The following CEP63 variants were observed in gnomAD, a reference collection of about 807,000 sequenced individuals.
The protein encoded by CEP63 is centrosomal protein 63.
Under a neutral mutation model 89.1 loss-of-function variants are expected in CEP63, and 84 were observed. That is an observed-to-expected ratio of 0.94 (90% CI 0.79 to 1.13). CEP63 has a LOEUF of 1.13. CEP63 is among the 50% of genes most tolerant of loss of function. The pLI is 0.00. For missense variants in CEP63, 838 were observed against 813.3 expected, an observed-to-expected ratio of 1.03 and a Z score of -0.37; for synonymous variants, 267 against 272.5, an observed-to-expected ratio of 0.98 and a Z score of 0.20.
chr3:134,593,859 G>A, the CEP63 span, among the ~76,000 whole-genome samples: 2 of 152,132 alleles, frequency 1.3e-5, no homozygotes, highest in Non-Finnish European at 2.9e-5. Flanking sequence ...TCAGGTTAAC[G>A]TGTTCTCTCC....
chr3:134,488,451 G>C (rs958760185), intron 1 of CEP63, among the ~76,000 whole-genome samples: 2 of 151,820 alleles, frequency 1.3e-5, no homozygotes, highest in Admixed American at 1.3e-4. Flanking sequence ...TACTGAAAAT[G>C]CAATAAAATT....
At chr3:134,575,610 C>T (rs763020076), downstream of CEP63, among the ~76,000 whole-genome samples, 5 of 148,124 alleles carry the variant, frequency 3.4e-5, no homozygotes, top group Non-Finnish European at 6.0e-5. Context: ...CCTTTCTTTC[C>T]TTTTCTCTTT....
At chr3:134,571,146 A>G (rs557246222) in intron 11 of CEP63, among the ~76,000 whole-genome samples, 2 of 152,390 alleles carry the variant, frequency 1.3e-5, no homozygotes, top group South Asian at 4.1e-4. Flanking sequence ...ATGCCAAAAC[A>G]GAATGGAAAA....
the CEP63 span, among the ~76,000 whole-genome samples, chr3:134,652,636 G>T: frequency 6.9e-6 from 1 of 144,586 alleles, no homozygotes. Context: ...ATGTGTGCAG[G>T]TACACACACA....
the CEP63 span, among the ~76,000 whole-genome samples, chr3:134,708,313 T>C: frequency 2.0e-5 from 3 of 152,270 alleles, no homozygotes; most frequent in Non-Finnish European, 4.4e-5. Context: ...ACAACAATAA[T>C]GCTTTGCCTG....
the CEP63 span, among the ~76,000 whole-genome samples, chr3:134,776,941 G>A: frequency 6.6e-6 from 1 of 152,178 alleles, no homozygotes; most frequent in Non-Finnish European, 1.5e-5. Context: ...TGCTTTTTGG[G>A]GATCCAGGAC....
the CEP63 span, among the ~76,000 whole-genome samples, chr3:134,763,662 A>T: frequency 2.0e-4 from 31 of 152,242 alleles, no homozygotes; most frequent in African/African-American, 6.5e-4. Flanking sequence ...ATATTCCTCC[A>T]ATGCACGTAT....
the CEP63 span, among the ~76,000 whole-genome samples, chr3:134,648,675 C>T: frequency 2.0e-5 from 3 of 152,164 alleles, no homozygotes; most frequent in Non-Finnish European, 2.9e-5. Context: ...CCTAGCCTGT[C>T]CACACTCTCC....
chr3:134,639,145 C>T, the CEP63 span, among the ~76,000 whole-genome samples: 1 of 146,992 alleles, frequency 6.8e-6, no homozygotes, highest in African/African-American at 2.5e-5. Context: ...AAAAAAATAC[C>T]CTTAAAGAGT....
At chr3:134,659,379 G>A in the CEP63 span, among the ~76,000 whole-genome samples, 2 of 152,182 alleles carry the variant, frequency 1.3e-5, no homozygotes, top group African/African-American at 4.8e-5. Context: ...CTCCTTCTGT[G>A]CAGAATTCTG....
At chr3:134,684,950 A>G in the CEP63 span, among the ~76,000 whole-genome samples, 1 of 152,136 alleles carries the variant, frequency 6.6e-6, no homozygotes, top group Admixed American at 6.5e-5. Context: ...GGGGCTAGGG[A>G]GAATCCAGGG....
chr3:134,667,725 G>C, the CEP63 span, among the ~76,000 whole-genome samples: 53 of 152,296 alleles, frequency 3.5e-4, no homozygotes, highest in African/African-American at 1.2e-3. Context: ...AGAAGGCAGA[G>C]ATGGCTGGTC....
chr3:134,674,930 C>T, the CEP63 span, among the ~76,000 whole-genome samples: 3 of 152,134 alleles, frequency 2.0e-5, no homozygotes, highest in Non-Finnish European at 4.4e-5. Flanking sequence ...GAAAAACATT[C>T]TATATTCATG....
At chr3:134,696,842 G>A in the CEP63 span, among the ~76,000 whole-genome samples, 3 of 152,154 alleles carry the variant, frequency 2.0e-5, no homozygotes, top group East Asian at 1.9e-4. Context: ...TACTTTATGT[G>A]TCCACTTTCC....
the CEP63 span, among the ~76,000 whole-genome samples, chr3:134,747,830 G>A: frequency 6.6e-6 from 1 of 152,146 alleles, no homozygotes; most frequent in Non-Finnish European, 1.5e-5. Context: ...CTGTTTCCCA[G>A]GCTGGAGTGC....
At position 134,486,620 on chromosome 3, in the gene CEP63, A is replaced by T. The variant is rs553619016; in HGVS notation, c.-26+418A>T. 2.7e-4 allele frequency: 235 copies of T among 873,314 alleles called. No individual in the cohort carries two copies. In the South Asian group the frequency reaches 3.7e-3, roughly 14 times the overall value. The allele number at this position is 873,314 out of a possible 1,614,324, so 54.1% of individuals were successfully genotyped here. A position where few individuals can be genotyped will look rare whatever the true frequency, so the allele number is the denominator to read the frequency against. On this transcript the variant is annotated intron_variant, in intron 1 of 14. Transcript: ENST00000675561. ...GCGGACCCACCTTCCTTTTCAGCGGAGAGACCCCAGTGCGGCCTCCCTGCC... is the reference window on the plus strand; with the variant it reads ...GCGGACCCACCTTCCTTTTCAGCGGTGAGACCCCAGTGCGGCCTCCCTGCC...
the CEP63 span, among the ~76,000 whole-genome samples, chr3:134,663,781 C>T: frequency 1.3e-5 from 2 of 152,232 alleles, no homozygotes. Flanking sequence ...GCTGTCCTTC[C>T]TCTCCAGCTT....
chr3:134,550,315 T>G, intron 11 of CEP63, 55 bp downstream of exon 11: 224 of 1,456,350 alleles, frequency 1.5e-4, no homozygotes, highest in Non-Finnish European at 1.9e-4. Context: ...AAGATGGAGT[T>G]GATTAAAGAC....
downstream of CEP63, among the ~76,000 whole-genome samples, chr3:134,566,967 ATGATCT>A (rs1560069202): frequency 6.6e-6 from 1 of 152,246 alleles, no homozygotes; most frequent in African/African-American, 2.4e-5. Flanking sequence ...TTGTACACAA[ATGATCT>A]TAGCAACATT....
Sources: allele counts gnomAD v4.1 joint callset (sites outside exome capture counted in the v4.1 genomes callset), GRCh38; gene constraint gnomAD v4.1.1; transcripts MANE v1.5; gene names NCBI Gene and HGNC (gene_info 2026-07-23, HGNC 2026-07-21).